Variants in MMP26 observed in about 807,000 individuals in gnomAD.
MMP26 encodes matrix metallopeptidase 26, also known as matrix metalloproteinase-26.
In MMP26, 33 loss-of-function variants were observed where a neutral mutation model predicts 31.0. The observed-to-expected ratio is 1.06, with a 90% CI of 0.81 to 1.42. MMP26 has a LOEUF of 1.42. Ranked by LOEUF, MMP26 falls within the 40% of genes most tolerant of loss-of-function variation. MMP26 has a pLI of 0.00. For missense variants in MMP26, 347 were observed against 316.1 expected (o/e 1.10, Z -0.74); for synonymous variants, 122 against 114.9 (o/e 1.06, Z -0.40).
intron 1 of MMP26, among the ~76,000 whole-genome samples, chr11:4,714,926 A>T (rs200187404): frequency 0.068 from 9,482 of 139,266 alleles, 712 homozygotes; most frequent in African/African-American, 0.21. Context: ...TCTCTCACAC[A>T]CACACACACA....
chr11:4,868,011 G>A (rs1433249573), intron 2 of MMP26, among the ~76,000 whole-genome samples: 5 of 152,114 alleles, frequency 3.3e-5, no homozygotes, highest in African/African-American at 1.2e-4. Context: ...ATTACTGATA[G>A]ACTGGATAAA....
chr11:4,745,188 T>C (rs968422490), intron 1 of MMP26, among the ~76,000 whole-genome samples: 1 of 152,220 alleles, frequency 6.6e-6, no homozygotes, highest in Non-Finnish European at 1.5e-5. Flanking sequence ...ATTCTTGGTT[T>C]CACACCCGGT....
intron 2 of MMP26, among the ~76,000 whole-genome samples, chr11:4,770,146 C>T (rs1848697010): frequency 6.6e-6 from 1 of 152,074 alleles, no homozygotes; most frequent in Admixed American, 6.5e-5. Context: ...CCATAAAATT[C>T]AAGGGAAATA....
At chr11:4,730,518 C>A (rs978698028) in intron 1 of MMP26, among the ~76,000 whole-genome samples, 1 of 152,070 alleles carries the variant, frequency 6.6e-6, no homozygotes, top group East Asian at 1.9e-4. Flanking sequence ...ATCAGATTAG[C>A]ACAGCTTCCA....
At position 4,991,965 on chromosome 11, in the gene MMP26, A is replaced by G. The variant is rs774448291; in HGVS notation, c.597A>G (p.Gly199=). ...TTTTTTTTTTCTATAATTTTTCAGG[A>G]TATAATCTGTTCCTGGTTGCAACTC... is the stretch of plus-strand genomic sequence containing the variant. The part of the protein sequence containing the change: ...KNEHWSASDT[G]YNLFLVATHE... The change falls in exon 7 of 8, where the codon GGA becomes GGG. Residue 199 remains glycine (G), a splice_region_variant and synonymous_variant. Coordinates refer to ENST00000380390, the MANE Select transcript of MMP26 (RefSeq NM_021801.5). The G allele has an allele frequency of 1.9e-6, 3 of 1,590,252 alleles. No homozygotes were observed. The South Asian group carries it at 3.5e-5, about 18-fold the overall frequency.
At chr11:4,857,333 A>T (rs1194897385) in intron 2 of MMP26, among the ~76,000 whole-genome samples, 1 of 152,170 alleles carries the variant, frequency 6.6e-6, no homozygotes, top group Admixed American at 6.5e-5. Flanking sequence ...TGCTAGCAAG[A>T]CTAATAAAGA....
intron 1 of MMP26, among the ~76,000 whole-genome samples, chr11:4,765,267 G>A (rs1848614829): frequency 1.3e-5 from 2 of 152,152 alleles, no homozygotes; most frequent in Admixed American, 1.3e-4. Context: ...ATAGAACTCT[G>A]CTGACAGGTG....
intron 2 of MMP26, among the ~76,000 whole-genome samples, chr11:4,833,552 G>A (rs1346477868): frequency 6.6e-6 from 1 of 152,162 alleles, no homozygotes; most frequent in Non-Finnish European, 1.5e-5. Flanking sequence ...TATTCAAAGT[G>A]TGGTCTGCTG....
intron 2 of MMP26, among the ~76,000 whole-genome samples, chr11:4,975,792 C>G (rs567367528): frequency 1.3e-5 from 2 of 152,126 alleles, no homozygotes; most frequent in East Asian, 3.9e-4. Flanking sequence ...CAAATGTTCT[C>G]TAGCGAACAT....
At chr11:4,726,840 C>G (rs1848107378) in intron 1 of MMP26, among the ~76,000 whole-genome samples, 1 of 151,974 alleles carries the variant, frequency 6.6e-6, no homozygotes, top group Admixed American at 6.6e-5. Context: ...GATCTGATCT[C>G]TACAAAAAAG....
chr11:4,849,115 G>GT, intron 2 of MMP26: 2 of 1,614,120 alleles, frequency 1.2e-6, no homozygotes, highest in Non-Finnish European at 1.7e-6. Context: ...CACCAGGAGG[G>GT]TGCACCTGAT....
chr11:4,832,738 G>A lies in MMP26; in HGVS notation c.-145+65397G>A, dbSNP rs75678059. The stretch of plus-strand genomic sequence containing the variant: ...GGTTAACTTTTACTATGGTTTGTTC[G>A]TTGCACTCTGCATGATGTCAGACAG... On this transcript the variant is annotated intron_variant, in intron 2 of 7. Coordinates refer to ENST00000380390, the MANE Select transcript of MMP26 (RefSeq NM_021801.5). 921 of 180,074 alleles carry A rather than the reference G, an allele frequency of 5.1e-3. 9 individuals carry two copies. Among genetic ancestry groups the A allele is most frequent in the African/African-American group, 0.019 (816 of 42,288 alleles). The allele number at this position is 180,074 out of a possible 1,614,324, so 11.2% of individuals were successfully genotyped here.
intron 2 of MMP26, among the ~76,000 whole-genome samples, chr11:4,922,123 T>C (rs577807831): frequency 7.9e-5 from 12 of 152,252 alleles, no homozygotes; most frequent in Non-Finnish European, 1.8e-4. Flanking sequence ...GTTTCTGAGA[T>C]GTTTCACTTA....
At chr11:4,764,625 C>A (rs1848605313) in intron 1 of MMP26, among the ~76,000 whole-genome samples, 1 of 152,196 alleles carries the variant, frequency 6.6e-6, no homozygotes. Context: ...AATCCCAGCA[C>A]TTTGGGAGGC....
intron 2 of MMP26, among the ~76,000 whole-genome samples, chr11:4,842,568 T>C (rs1198067503): frequency 6.6e-6 from 1 of 152,198 alleles, no homozygotes; most frequent in African/African-American, 2.4e-5. Flanking sequence ...AGTTACTCAC[T>C]ATCATGAGAA....
intron 2 of MMP26, among the ~76,000 whole-genome samples, chr11:4,814,026 A>G (rs1849386718): frequency 6.6e-6 from 1 of 152,220 alleles, no homozygotes; most frequent in Non-Finnish European, 1.5e-5. Context: ...GCATATGAAA[A>G]GGTTTATTAT....
intron 2 of MMP26, among the ~76,000 whole-genome samples, chr11:4,865,117 G>C (rs1165278045): frequency 1.3e-5 from 2 of 152,020 alleles, no homozygotes; most frequent in East Asian, 1.9e-4. Context: ...AATAGGCCTA[G>C]TGGAAGTCAC....
At chr11:4,937,937 T>C (rs963743705) in intron 2 of MMP26, 1 of 152,180 alleles carries the variant, frequency 6.6e-6, no homozygotes, top group African/African-American at 2.4e-5. Context: ...TCAAATGCCA[T>C]TACAGACAGT....
At position 4,882,444 on chromosome 11, in the gene MMP26, A is replaced by G. The variant is rs137974659; in HGVS notation, c.-144-105624A>G. 3.4e-5 allele frequency: 54 copies of G among 1,611,856 alleles called. No individual in the cohort carries two copies. The African/African-American group carries it at 6.4e-4, about 19-fold the overall frequency. On this transcript the variant is annotated intron_variant, in intron 2 of 7. Transcript: ENST00000380390. ...CACGAGCTTTCCCATCCATTTTGCTACCACCCAGAAGTGATCAAATACACA... is the reference window on the plus strand; with the variant it reads ...CACGAGCTTTCCCATCCATTTTGCTGCCACCCAGAAGTGATCAAATACACA...
Sources: allele counts gnomAD v4.1 joint callset (sites outside exome capture counted in the v4.1 genomes callset), GRCh38; gene constraint gnomAD v4.1.1; transcripts MANE v1.5; gene names NCBI Gene and HGNC (gene_info 2026-07-23, HGNC 2026-07-21).